CFAP61: variants seen among roughly 807,000 people sequenced by gnomAD.
The protein encoded by CFAP61 is cilia- and flagella-associated protein 61.
In CFAP61, 107 loss-of-function variants were observed where a neutral mutation model predicts 135.6. The observed-to-expected ratio is 0.79, with a 90% CI of 0.67 to 0.93. CFAP61 has a LOEUF of 0.93. CFAP61 is among the 40% of genes least tolerant of loss of function. The pLI is 0.00. For missense variants in CFAP61, 1,507 were observed against 1,556.2 expected, an observed-to-expected ratio of 0.97 and a Z score of 0.53; for synonymous variants, 575 against 578.5, an observed-to-expected ratio of 0.99 and a Z score of 0.09.
intron 8 of CFAP61, among the ~76,000 whole-genome samples, chr20:20,133,775 C>G (rs535163700): frequency 6.6e-6 from 1 of 152,194 alleles, no homozygotes; most frequent in Non-Finnish European, 1.5e-5. Flanking sequence ...TATCCCAAGT[C>G]TCATCTCAAG....
intron 22 of CFAP61, among the ~76,000 whole-genome samples, chr20:20,281,688 T>C (rs545977212): frequency 6.6e-6 from 1 of 152,348 alleles, no homozygotes; most frequent in African/African-American, 2.4e-5. Context: ...ATTTTGCAAC[T>C]ATATTCATGA....
Position 20,098,715 on chromosome 20 carries a change from C to T in CFAP61, c.760C>T (p.His254Tyr). 6.2e-7 allele frequency: 1 copy of T among 1,613,818 alleles called. No individual in the cohort carries two copies. The highest frequency in any genetic ancestry group is 8.5e-7 in the Non-Finnish European group (1 of 1,179,910). ...VCSRVNMQLL[H>Y]ECFDLGPFHG... ...CTCAAGAGTGAACATGCAACTGCTG[C>T]ATGAGTGCTTTGACTTGGGCCCTTT... Residue 254 changes from histidine to tyrosine, a missense_variant, in exon 8 of 27, where the codon CAT (histidine) becomes TAT (tyrosine). By Grantham distance (83) the His-to-Tyr change is moderately conservative. Coordinates refer to ENST00000245957, the MANE Select transcript of CFAP61 (RefSeq NM_015585.4).
Position 20,056,642 on chromosome 20 carries a change from A to G in CFAP61, c.-12A>G. On this transcript the variant is annotated 5_prime_UTR_variant, in exon 2 of 27. Transcript: ENST00000245957. ...GTGGACTTTTTTCTCTCTTTTGGGGACAGGATAAAAAATGTCAGTACTCAC... is the reference window on the plus strand; with the variant it reads ...GTGGACTTTTTTCTCTCTTTTGGGGGCAGGATAAAAAATGTCAGTACTCAC... 6.2e-7 allele frequency: 1 copy of G among 1,613,584 alleles called. No homozygotes were observed. The highest frequency in any genetic ancestry group is 8.5e-7 in the Non-Finnish European group (1 of 1,179,818).
At chr20:20,342,270 C>T (rs2058472519) in intron 26 of CFAP61, among the ~76,000 whole-genome samples, 1 of 152,134 alleles carries the variant, frequency 6.6e-6, no homozygotes, top group Non-Finnish European at 1.5e-5. Flanking sequence ...TGTTTGCCAG[C>T]CATTTGCGGA....
intron 8 of CFAP61, among the ~76,000 whole-genome samples, chr20:20,137,199 G>T (rs529121203): frequency 6.6e-6 from 1 of 152,330 alleles, no homozygotes; most frequent in South Asian, 2.1e-4. Flanking sequence ...ACTGCAAAGG[G>T]TCAAACCTTA....
At chr20:20,145,940 T>C (rs1479776645) in intron 9 of CFAP61, among the ~76,000 whole-genome samples, 1 of 152,218 alleles carries the variant, frequency 6.6e-6, no homozygotes, top group East Asian at 1.9e-4. Flanking sequence ...ATAGAATAAG[T>C]AGGCAGAAAA....
chr20:20,341,470 TTTAA>T (rs1302605938), intron 25 of CFAP61, among the ~76,000 whole-genome samples: 1 of 152,202 alleles, frequency 6.6e-6, no homozygotes, highest in Non-Finnish European at 1.5e-5. Flanking sequence ...TCTACCCAAA[TTTAA>T]TTTATTTATG....
intron 7 of CFAP61, chr20:20,094,364 C>T (rs2047413177): frequency 6.6e-6 from 1 of 152,106 alleles, no homozygotes; most frequent in African/African-American, 2.4e-5. Context: ...GACAGAAACT[C>T]CTGAGAAGTG....
chr20:20,301,262 C>T (rs1442015350), intron 25 of CFAP61, among the ~76,000 whole-genome samples: 2 of 151,980 alleles, frequency 1.3e-5, no homozygotes, highest in African/African-American at 4.8e-5. Context: ...TTAGATACAC[C>T]AACACTTAGT....
At chr20:20,331,378 A>G (rs2057985879) in intron 25 of CFAP61, among the ~76,000 whole-genome samples, 1 of 152,232 alleles carries the variant, frequency 6.6e-6, no homozygotes, top group Non-Finnish European at 1.5e-5. Context: ...AGTGACAAAA[A>G]AAAGTGAAGA....
At chr20:20,314,598 C>T (rs2057010288) in intron 25 of CFAP61, among the ~76,000 whole-genome samples, 2 of 147,244 alleles carry the variant, frequency 1.4e-5, no homozygotes, top group African/African-American at 5.1e-5. Flanking sequence ...AGGTTAGTTA[C>T]ATATGTATAC....
At chr20:20,336,687 C>T (rs1416175260) in intron 25 of CFAP61, among the ~76,000 whole-genome samples, 5 of 152,052 alleles carry the variant, frequency 3.3e-5, no homozygotes, top group East Asian at 3.9e-4. Context: ...ACACAGAAAA[C>T]GATTGATTCC....
At chr20:20,334,481 T>G (rs1334918013) in intron 25 of CFAP61, among the ~76,000 whole-genome samples, 1 of 152,204 alleles carries the variant, frequency 6.6e-6, no homozygotes, top group Non-Finnish European at 1.5e-5. Context: ...AAAACAGTGC[T>G]CTGTAGCATT....
chr20:20,197,731 A>G (rs1418090801), intron 16 of CFAP61, among the ~76,000 whole-genome samples: 1 of 152,024 alleles, frequency 6.6e-6, no homozygotes, highest in Admixed American at 6.6e-5. Flanking sequence ...TTTCCTGAAA[A>G]TTGGTCTCTC....
intron 2 of CFAP61, among the ~76,000 whole-genome samples, chr20:20,064,116 G>A (rs192219328): frequency 5.5e-5 from 8 of 146,024 alleles, no homozygotes; most frequent in Admixed American, 2.2e-4. Flanking sequence ...TACCACATCC[G>A]ATTGTTATCA....
rs1166308480 is a variant in CFAP61, at chr20:20,251,505, A to G, written c.2160-90A>G. ...CACAGCAAGAGCACGGACTCAGCCC[A>G]CTAGGGGACTTGAACCAGCTCACCA... On this transcript the variant is annotated intron_variant, in intron 19 of 26. Coordinates refer to ENST00000245957, the MANE Select transcript of CFAP61 (RefSeq NM_015585.4). 6.4e-6 allele frequency: 8 copies of G among 1,252,968 alleles called. No individual in the cohort carries two copies. The East Asian group carries it at 1.9e-4, about 29-fold the overall frequency. 77.6% of individuals were successfully genotyped at this position (1,252,968 alleles called of 1,614,324 possible).
chr20:20,209,676 T>C (rs1445903103), intron 17 of CFAP61, among the ~76,000 whole-genome samples: 1 of 152,226 alleles, frequency 6.6e-6, no homozygotes, highest in Non-Finnish European at 1.5e-5. Context: ...CAATTCTGGG[T>C]AAATTTAATC....
intron 9 of CFAP61, among the ~76,000 whole-genome samples, chr20:20,154,642 C>T (rs2052735270): frequency 6.6e-6 from 1 of 151,676 alleles, no homozygotes; most frequent in African/African-American, 2.4e-5. Context: ...CAACAACACA[C>T]AAACAAAAAA....
chr20:20,205,838 C>G (rs546229636), intron 17 of CFAP61, among the ~76,000 whole-genome samples: 11 of 152,186 alleles, frequency 7.2e-5, no homozygotes, highest in South Asian at 2.1e-4. Context: ...TTTGTTGTTA[C>G]AAAATTATGG....
Sources: allele counts gnomAD v4.1 joint callset (sites outside exome capture counted in the v4.1 genomes callset), GRCh38; gene constraint gnomAD v4.1.1; transcripts MANE v1.5; gene names NCBI Gene and HGNC (gene_info 2026-07-23, HGNC 2026-07-21).